Variants in ASIC2 observed in about 807,000 individuals in gnomAD.
ASIC2 encodes acid-sensing ion channel 2.
A neutral mutation model predicts 57.3 loss-of-function variants in ASIC2; 25 were observed. That is an observed-to-expected ratio of 0.44 (90% CI 0.32 to 0.61). The LOEUF is 0.61. ASIC2 is among the 20% of genes least tolerant of loss of function. ASIC2 has a pLI of 0.06. For synonymous variants in ASIC2, 319 were observed against 307.5 expected, an observed-to-expected ratio of 1.04 and a Z score of -0.39; for missense variants, 641 against 738.1, an observed-to-expected ratio of 0.87 and a Z score of 1.52.
At chr17:33,620,309 G>A (rs1178055890) in intron 1 of ASIC2, among the ~76,000 whole-genome samples, 1 of 146,176 alleles carries the variant, frequency 6.8e-6, no homozygotes, top group African/African-American at 2.6e-5. Context: ...CGGCCAAAAA[G>A]CTTACCAGTA....
intron 2 of ASIC2, among the ~76,000 whole-genome samples, chr17:33,092,835 T>C (rs902782647): frequency 6.6e-6 from 1 of 152,218 alleles, no homozygotes; most frequent in South Asian, 2.1e-4. Flanking sequence ...ACCCCTAATG[T>C]CCCTAGCACA....
At chr17:33,535,428 A>G (rs1915198051) in intron 1 of ASIC2, among the ~76,000 whole-genome samples, 1 of 151,780 alleles carries the variant, frequency 6.6e-6, no homozygotes, top group African/African-American at 2.4e-5. Context: ...GCCTGCCACC[A>G]TGCCCGGCTA....
At chr17:33,897,971 C>T (rs1413385463) in intron 1 of ASIC2, among the ~76,000 whole-genome samples, 1 of 152,126 alleles carries the variant, frequency 6.6e-6, no homozygotes, top group East Asian at 1.9e-4. Context: ...AACTAGTTAT[C>T]CTCAAACTGA....
At chr17:33,404,065 G>T (rs1395442356) in intron 1 of ASIC2, among the ~76,000 whole-genome samples, 3 of 152,172 alleles carry the variant, frequency 2.0e-5, no homozygotes. Flanking sequence ...AAAACATAGA[G>T]AGATATTCGT....
intron 1 of ASIC2, among the ~76,000 whole-genome samples, chr17:33,510,532 A>G (rs1050756961): frequency 1.3e-5 from 2 of 152,122 alleles, no homozygotes; most frequent in African/African-American, 4.8e-5. Flanking sequence ...CACCCAACTA[A>G]TGGGTGGGAG....
rs192409086 is a variant in ASIC2, at chr17:33,433,494, G to A, written c.556-321427C>T. On this transcript the variant is annotated intron_variant, in intron 1 of 9. Coordinates refer to the ASIC2 transcript ENST00000359872. Reference sequence around the variant, plus strand: ...TGACCGGCCAGGCACAGTGGCTCACGCCTGTAATCCCAGCACTTTGGGAGG... The same window carrying A: ...TGACCGGCCAGGCACAGTGGCTCACACCTGTAATCCCAGCACTTTGGGAGG... Among the ~76,000 whole-genome samples, 10 of 152,284 alleles carry A rather than the reference G, an allele frequency of 6.6e-5. No individual in the cohort carries two copies. In the East Asian group the frequency reaches 1.7e-3, roughly 26 times the overall value.
At chr17:33,530,858 C>T (rs775101341) in intron 1 of ASIC2, among the ~76,000 whole-genome samples, 3 of 152,124 alleles carry the variant, frequency 2.0e-5, no homozygotes, top group East Asian at 1.9e-4. Context: ...AAAAGGTTTT[C>T]GAGTTCCTGC....
chr17:33,906,013 T>A (rs200528334), intron 1 of ASIC2, among the ~76,000 whole-genome samples: 12,619 of 115,360 alleles, frequency 0.11, 856 homozygotes, highest in East Asian at 0.3. Context: ...TTAATTAAAT[T>A]TTTTTTTTTT....
intron 1 of ASIC2, among the ~76,000 whole-genome samples, chr17:33,979,044 AC>A (rs753835373): frequency 2.6e-4 from 39 of 152,044 alleles, no homozygotes; most frequent in Non-Finnish European, 4.9e-4. Context: ...CGGGCAGTCA[AC>A]CCCCAGCTGG....
intron 1 of ASIC2, among the ~76,000 whole-genome samples, chr17:33,271,765 A>T (rs1381836459): frequency 6.6e-6 from 1 of 152,146 alleles, no homozygotes. Context: ...ATTCTTATCC[A>T]CACTCATCCA....
intron 1 of ASIC2, among the ~76,000 whole-genome samples, chr17:33,166,735 G>A (rs1035053287): frequency 6.6e-6 from 1 of 152,234 alleles, no homozygotes; most frequent in Non-Finnish European, 1.5e-5. Context: ...CAGAACCTGG[G>A]CAAACAGAAT....
At chr17:33,560,593 G>T (rs1916043237) in intron 1 of ASIC2, among the ~76,000 whole-genome samples, 2 of 152,124 alleles carry the variant, frequency 1.3e-5, no homozygotes, top group South Asian at 4.2e-4. Flanking sequence ...ACTCTGGAAA[G>T]AACTCAAATG....
chr17:33,257,299 G>C (rs1490826431), intron 1 of ASIC2, among the ~76,000 whole-genome samples: 2 of 152,114 alleles, frequency 1.3e-5, no homozygotes, highest in African/African-American at 4.8e-5. Flanking sequence ...CCCCTGCTCC[G>C]ATGTCTCATG....
intron 1 of ASIC2, among the ~76,000 whole-genome samples, chr17:33,323,784 T>C (rs1353236984): frequency 6.6e-6 from 1 of 152,232 alleles, no homozygotes; most frequent in Non-Finnish European, 1.5e-5. Flanking sequence ...ATTCCATCTT[T>C]ATATAAGGTA....
chr17:33,217,031 C>A (rs563270468), intron 1 of ASIC2, among the ~76,000 whole-genome samples: 2 of 152,222 alleles, frequency 1.3e-5, no homozygotes, highest in East Asian at 3.9e-4. Flanking sequence ...GGAGGAACTC[C>A]CAGTGACTGT....
rs545616961 is a variant in ASIC2, at chr17:33,088,818, G to A, written c.987+45C>T. ...CCTCCTTGTGCCTCTGCAGGGGGTC[G>A]GGGGAGGCTGAGGACCATCAATCCT... On this transcript the variant is annotated intron_variant, in intron 3 of 9. Coordinates refer to ENST00000225823, the MANE Select transcript of ASIC2 (RefSeq NM_183377.2). 50 of 1,558,008 alleles carry A rather than the reference G, an allele frequency of 3.2e-5. 1 individual carries two copies. The highest frequency in any genetic ancestry group is 1.4e-4 in the East Asian group (6 of 42,902).
intron 1 of ASIC2, among the ~76,000 whole-genome samples, chr17:33,246,434 C>T (rs1908692032): frequency 6.6e-6 from 1 of 152,190 alleles, no homozygotes; most frequent in African/African-American, 2.4e-5. Context: ...ACCCCTTCAT[C>T]CCCTTCTTGT....
intron 1 of ASIC2, among the ~76,000 whole-genome samples, chr17:33,346,315 C>T (rs1195624199): frequency 6.8e-6 from 1 of 148,148 alleles, no homozygotes; most frequent in Non-Finnish European, 1.5e-5. Flanking sequence ...ATTTTGGAAG[C>T]AGAATCAAGA....
At chr17:34,099,738 GAAA>G (rs1567821633) in intron 1 of ASIC2, among the ~76,000 whole-genome samples, 1 of 506 alleles carries the variant, frequency 2.0e-3, no homozygotes, top group Non-Finnish European at 8.5e-3. Flanking sequence ...AAGAAGGAAA[GAAA>G]GAAAGAAAGA....
Sources: gnomAD v4.1 joint callset for allele counts (sites outside exome capture counted in the v4.1 genomes callset) on GRCh38, gnomAD v4.1.1 for gene constraint, MANE v1.5 for transcripts, NCBI Gene and HGNC (gene_info 2026-07-23, HGNC 2026-07-21) for gene names.